WNT2: variants seen among roughly 807,000 people sequenced by gnomAD.
WNT2 encodes Wnt family member 2.
A neutral mutation model predicts 36.9 loss-of-function variants in WNT2; 12 were observed. The ratio of observed to expected loss-of-function variants is 0.33; its 90% CI spans 0.21 to 0.53. The LOEUF is 0.53. Ranked by LOEUF, WNT2 falls within the 20% of genes least tolerant of loss-of-function variation. The pLI is 0.95. For missense variants in WNT2, 379 were observed against 473.1 expected (o/e 0.80, Z 1.84); for synonymous variants, 163 against 174.6 (o/e 0.93, Z 0.52).
At chr7:117,309,436 C>A (rs985350963) in intron 3 of WNT2, among the ~76,000 whole-genome samples, 2 of 152,106 alleles carry the variant, frequency 1.3e-5, no homozygotes, top group African/African-American at 4.8e-5. Flanking sequence ...GACCCCCTCA[C>A]CCTCTGAGCT....
In WNT2 at chr7:117,275,634, G is replaced by A. The variant is rs1012249741; in HGVS notation, c.*2521C>T. On this transcript the variant is annotated 3_prime_UTR_variant, in exon 5 of 5. Transcript: ENST00000265441. ...CCTTAAAAGCCTCAGATAATTGAGA[G>A]TTTCAGTGTATTTCAGGTTCCTGGA... 6.6e-6 allele frequency among the ~76,000 whole-genome samples: 1 copy of A among 152,162 alleles called. No individual in the cohort carries two copies. Among genetic ancestry groups the A allele is most frequent in the Non-Finnish European group, 1.5e-5 (1 of 68,024 alleles).
chr7:117,283,365 T>A (rs1584675292), intron 4 of WNT2, among the ~76,000 whole-genome samples: 1 of 152,226 alleles, frequency 6.6e-6, no homozygotes, highest in African/African-American at 2.4e-5. Context: ...CTTCTACTGA[T>A]CTGTATTTAT....
Position 117,322,785 on chromosome 7 carries a change from G to T in WNT2, c.83+122C>A. On this transcript the variant is annotated intron_variant, in intron 1 of 4. Transcript: ENST00000265441. This position sits in a 1 kb window ranked among gnomAD's most constrained non-coding sequence, Gnocchi z 5.4. The stretch of plus-strand genomic sequence containing the variant: ...GGGCGATAAGAGGGCAGTAGCCAGG[G>T]TTCGGGCCAGAATCCGAGACTGCTG... 2 of 938,754 alleles carry T rather than the reference G, an allele frequency of 2.1e-6. No homozygotes were observed. Among genetic ancestry groups the T allele is most frequent in the South Asian group, 1.4e-5 (1 of 72,942 alleles). The allele number at this position is 938,754 out of a possible 1,614,324, so 58.2% of individuals were successfully genotyped here.
chr7:117,297,881 C>T lies in WNT2; in HGVS notation c.589-5G>A. ...TTTCAAGAACCGCTTTACAGCCTGC[C>T]GAAAAAGACAGGGGCAAGTTCAGTG... On this transcript the variant is annotated splice_polypyrimidine_tract_variant and splice_region_variant and intron_variant, in intron 3 of 4. Transcript: ENST00000265441. 4 of 1,602,346 alleles carry T rather than the reference C, an allele frequency of 2.5e-6. No individual in the cohort carries two copies. The highest frequency in any genetic ancestry group is 2.2e-5 in the East Asian group (1 of 44,600).
intron 4 of WNT2, among the ~76,000 whole-genome samples, chr7:117,294,593 T>TAAAAAA (rs5886850): frequency 5.5e-5 from 7 of 128,418 alleles, no homozygotes; most frequent in African/African-American, 2.9e-5. Flanking sequence ...AACTGGCAAC[T>TAAAAAA]AAAAAAAAAA....
intron 2 of WNT2, 74 bp from the exon 3 acceptor site, chr7:117,315,422 T>C: frequency 6.9e-7 from 1 of 1,451,472 alleles, no homozygotes; most frequent in Non-Finnish European, 9.2e-7. Flanking sequence ...GACAATTGTT[T>C]AATATTTGCT....
chr7:117,293,752 G>C (rs149982863), intron 4 of WNT2, among the ~76,000 whole-genome samples: 1 of 152,024 alleles, frequency 6.6e-6, no homozygotes, highest in Non-Finnish European at 1.5e-5. Flanking sequence ...GTGGGGTTGG[G>C]GGCCTCGGTG....
intron 3 of WNT2, chr7:117,300,818 A>T (rs528131598): frequency 6.6e-6 from 1 of 152,336 alleles, no homozygotes; most frequent in East Asian, 1.9e-4. Context: ...ATATAATAAA[A>T]TAAAAGAGTC....
rs535625290 is a variant in WNT2, at chr7:117,284,075, T to G, written c.854-5691A>C. On this transcript the variant is annotated intron_variant, in intron 4 of 4. Coordinates refer to ENST00000265441, the MANE Select transcript of WNT2 (RefSeq NM_003391.3). This position sits in a 1 kb window ranked among gnomAD's most constrained non-coding sequence, Gnocchi z 5.2. The stretch of plus-strand genomic sequence containing the variant: ...ATGACAAATTGGCCCTGTTTGGGGG[T>G]TTGGATCTAATTAGATCTAATGACA... Among the ~76,000 whole-genome samples the G allele has an allele frequency of 2.0e-4, 30 of 152,220 alleles. No individual in the cohort carries two copies. The South Asian group carries it at 6.0e-3, about 31-fold the overall frequency.
chr7:117,318,708 C>T (rs1418645518), intron 2 of WNT2, among the ~76,000 whole-genome samples: 4 of 152,278 alleles, frequency 2.6e-5, no homozygotes, highest in East Asian at 1.9e-4. Flanking sequence ...CATGGGGTTT[C>T]GCCATGTTGG....
intron 3 of WNT2, among the ~76,000 whole-genome samples, chr7:117,305,972 C>T (rs533534585): frequency 6.6e-6 from 1 of 152,264 alleles, no homozygotes; most frequent in Admixed American, 6.5e-5. Flanking sequence ...TTCAGTTATT[C>T]CCAATTTTCA....
At position 117,278,189 on chromosome 7, in the gene WNT2, G is replaced by C. The variant is rs1471763437; in HGVS notation, c.1049C>G (p.Ala350Gly). The part of the protein sequence containing the change: ...LEALDVHTCK[A>G]PKNADWTTAT ...GGTTGTCCAGTCAGCGTTCTTGGGG[G>C]CCTTGCATGTGTGCACATCCAGAGC... The change falls in exon 5 of 5, where the codon GCC becomes GGC. Residue 350 changes from alanine to glycine, a missense_variant. Transcript: ENST00000265441. 2.5e-6 allele frequency: 4 copies of C among 1,614,092 alleles called. No individual in the cohort carries two copies. In the East Asian group the frequency reaches 8.9e-5, roughly 36 times the overall value.
rs548385455 is a variant in WNT2, at chr7:117,275,827, T to A, written c.*2328A>T. ...CTCAGTGGCAGGACCCACTGCCACT[T>A]GCGATGGTTGCCATAATCTCCCTTA... is the stretch of plus-strand genomic sequence containing the variant. On this transcript the variant is annotated 3_prime_UTR_variant, in exon 5 of 5. Transcript: ENST00000265441. Among the ~76,000 whole-genome samples, 4 of 152,230 alleles carry A rather than the reference T, an allele frequency of 2.6e-5. No homozygotes were observed. The highest frequency in any genetic ancestry group is 5.9e-5 in the Non-Finnish European group (4 of 68,042).
At chr7:117,288,857 A>G (rs1794633495) in intron 4 of WNT2, among the ~76,000 whole-genome samples, 1 of 152,134 alleles carries the variant, frequency 6.6e-6, no homozygotes, top group East Asian at 1.9e-4. Context: ...ACAGATTTAT[A>G]GATTCTGCCT....
rs953316961 is a variant in WNT2 at position 117,276,250 on chromosome 7, A to C, written c.*1905T>G. On this transcript the variant is annotated 3_prime_UTR_variant, in exon 5 of 5. Transcript: ENST00000265441. ...GGATTGATGATTTCACAGTTCATCC[A>C]GCAGGAGGAAGGGCTGATGGCTGTG... Among the ~76,000 whole-genome samples the C allele has an allele frequency of 1.3e-5, 2 of 152,256 alleles. No homozygotes were observed. Among genetic ancestry groups the C allele is most frequent in the African/African-American group, 4.8e-5 (2 of 41,468 alleles).
At chr7:117,290,561 A>C (rs776042242) in intron 4 of WNT2, among the ~76,000 whole-genome samples, 2 of 152,216 alleles carry the variant, frequency 1.3e-5, no homozygotes, top group Non-Finnish European at 2.9e-5. Context: ...TTAGATATCA[A>C]TCCATGAATT....
chr7:117,278,058 G>A lies in WNT2; in HGVS notation c.*97C>T. ...GTTGAGATAAAGGCCACATGCCTTA[G>A]GAAATATCCCCCCAGAAAGAACCCA... On this transcript the variant is annotated 3_prime_UTR_variant, in exon 5 of 5. Coordinates refer to ENST00000265441, the MANE Select transcript of WNT2 (RefSeq NM_003391.3). 7.1e-7 allele frequency: 1 copy of A among 1,412,708 alleles called. No homozygotes were observed. The highest frequency in any genetic ancestry group is 2.3e-5 in the East Asian group (1 of 43,164). The allele number at this position is 1,412,708 out of a possible 1,614,324, so 87.5% of individuals were successfully genotyped here.
intron 3 of WNT2, 22 bp downstream of exon 3, chr7:117,315,049 G>A (rs760541334): frequency 6.2e-7 from 1 of 1,611,070 alleles, no homozygotes. Flanking sequence ...CCTACAAAAT[G>A]AGCACCGTTG....
At chr7:117,303,872 G>A (rs919153570) in intron 3 of WNT2, among the ~76,000 whole-genome samples, 4 of 152,090 alleles carry the variant, frequency 2.6e-5, no homozygotes, top group Non-Finnish European at 4.4e-5. Context: ...ATCACCTCAC[G>A]TTTTCCACCT....
Sources: gnomAD v4.1 joint callset for allele counts (sites outside exome capture counted in the v4.1 genomes callset) on GRCh38, gnomAD v4.1.1 for gene constraint, Gnocchi (gnomAD v3.1) non-coding constraint, MANE v1.5 for transcripts, NCBI Gene and HGNC (gene_info 2026-07-23, HGNC 2026-07-21) for gene names.